The following PRMT3 variants were observed in gnomAD, a reference collection of about 807,000 sequenced individuals.
The protein encoded by PRMT3 is protein arginine methyltransferase 3, also known as protein arginine N-methyltransferase 3.
Under a neutral mutation model 71.9 loss-of-function variants are expected in PRMT3, and 62 were observed. The ratio of observed to expected loss-of-function variants is 0.86; its 90% CI spans 0.70 to 1.07. The LOEUF (loss-of-function observed/expected upper bound fraction) is 1.07, where lower values mean the gene tolerates loss of function less well. PRMT3 is among the 50% of genes least tolerant of loss of function. The pLI is 0.00. For missense variants in PRMT3, 663 were observed against 643.0 expected, an observed-to-expected ratio of 1.03 and a Z score of -0.34; for synonymous variants, 213 against 220.4, an observed-to-expected ratio of 0.97 and a Z score of 0.30.
chr11:20,463,506 G>T (rs1335259288), intron 12 of PRMT3, among the ~76,000 whole-genome samples: 2 of 151,894 alleles, frequency 1.3e-5, no homozygotes, highest in Non-Finnish European at 2.9e-5. Flanking sequence ...TGCAAAAACT[G>T]CCATGAATAA....
intron 10 of PRMT3, among the ~76,000 whole-genome samples, chr11:20,435,075 T>C (rs1849732859): frequency 6.6e-6 from 1 of 152,214 alleles, no homozygotes; most frequent in South Asian, 2.1e-4. Flanking sequence ...GTTTTTGCTT[T>C]TGTTGTTTGT....
chr11:20,404,041 T>C (rs1849008046), intron 8 of PRMT3, among the ~76,000 whole-genome samples: 1 of 152,192 alleles, frequency 6.6e-6, no homozygotes, highest in Middle Eastern at 3.4e-3. Flanking sequence ...TATGGTGCTC[T>C]GATCTTTTTG....
chr11:20,460,939 GTC>G (rs1850369382), intron 11 of PRMT3, among the ~76,000 whole-genome samples: 1 of 152,034 alleles, frequency 6.6e-6, no homozygotes, highest in Admixed American at 6.6e-5. Flanking sequence ...CTCTTAATTT[GTC>G]TCTGTTTTCA....
intron 9 of PRMT3, among the ~76,000 whole-genome samples, chr11:20,424,066 C>T (rs888698314): frequency 1.3e-5 from 2 of 151,208 alleles, no homozygotes; most frequent in Admixed American, 1.3e-4. Flanking sequence ...CGCCTGTAGT[C>T]CCAGCTACTC....
chr11:20,497,505 A>C (rs1174589579), intron 15 of PRMT3, among the ~76,000 whole-genome samples: 1 of 40,550 alleles, frequency 2.5e-5, no homozygotes, highest in Admixed American at 1.6e-4. Flanking sequence ...GTATAAAGAA[A>C]GGATCATGTA....
At chr11:20,482,491 A>G (rs538172385) in intron 13 of PRMT3, among the ~76,000 whole-genome samples, 1 of 152,230 alleles carries the variant, frequency 6.6e-6, no homozygotes, top group Admixed American at 6.5e-5. Flanking sequence ...GTATTTATCA[A>G]ATAATCAATA....
At chr11:20,417,054 C>T (rs1223135067) in intron 9 of PRMT3, among the ~76,000 whole-genome samples, 5 of 152,136 alleles carry the variant, frequency 3.3e-5, no homozygotes, top group East Asian at 1.9e-4. Context: ...CAATGGTTTG[C>T]GTTGTGAAGA....
At chr11:20,473,527 T>C (rs937708575) in intron 13 of PRMT3, among the ~76,000 whole-genome samples, 1 of 152,192 alleles carries the variant, frequency 6.6e-6, no homozygotes, top group Non-Finnish European at 1.5e-5. Flanking sequence ...AATTTCCATG[T>C]AGTTGTGTGG....
At chr11:20,398,810 G>T (rs1193676834) in intron 7 of PRMT3, among the ~76,000 whole-genome samples, 1 of 152,176 alleles carries the variant, frequency 6.6e-6, no homozygotes, top group African/African-American at 2.4e-5. Context: ...GCCTAGGTGT[G>T]TAGTAGGCTA....
chr11:20,457,032 G>A (rs904620059), intron 11 of PRMT3, among the ~76,000 whole-genome samples: 10 of 151,968 alleles, frequency 6.6e-5, no homozygotes, highest in African/African-American at 1.9e-4. Flanking sequence ...CTGCCACCAC[G>A]TCCAGCTAAT....
intron 10 of PRMT3, among the ~76,000 whole-genome samples, chr11:20,434,201 T>C (rs1306353543): frequency 1.3e-5 from 2 of 152,198 alleles, no homozygotes; most frequent in African/African-American, 2.4e-5. Flanking sequence ...CTTCATGTCC[T>C]TTGCCCACCT....
intron 11 of PRMT3, among the ~76,000 whole-genome samples, chr11:20,456,725 TA>T (rs575133730): frequency 5.5e-4 from 84 of 151,956 alleles, no homozygotes; most frequent in Non-Finnish European, 9.1e-4. Context: ...ATTTCTGCTT[TA>T]AAAAAAAGAC....
chr11:20,482,027 G>C (rs1445184938), intron 13 of PRMT3, among the ~76,000 whole-genome samples: 1 of 152,040 alleles, frequency 6.6e-6, no homozygotes, highest in African/African-American at 2.4e-5. Context: ...GGAATCGCCT[G>C]TAATACTGAA....
chr11:20,440,489 CAAAAAAA>C (rs55801324), intron 10 of PRMT3, among the ~76,000 whole-genome samples: 1,206 of 115,932 alleles, frequency 0.01, 13 homozygotes, highest in African/African-American at 0.033. Flanking sequence ...ACTAAAAATA[CAAAAAAA>C]AAAAAAAAAA....
rs1468255588 is a variant in PRMT3 at position 20,440,689 on chromosome 11, ATAT to A, written c.994-11438_994-11436del. ...TATTCTACTATATATTAAAATAGTA[ATAT>A]TAATTTTTCTTGAATTTTACAAAGA... On this transcript the variant is annotated intron_variant, in intron 10 of 15. Coordinates refer to ENST00000331079, the MANE Select transcript of PRMT3 (RefSeq NM_005788.4). Among the ~76,000 whole-genome samples, 12 of 152,176 alleles carry A rather than the reference ATAT, an allele frequency of 7.9e-5. No homozygotes were observed. The East Asian group carries it at 2.3e-3, about 29-fold the overall frequency.
At chr11:20,431,431 A>T (rs888088115) in intron 10 of PRMT3, among the ~76,000 whole-genome samples, 2 of 152,144 alleles carry the variant, frequency 1.3e-5, no homozygotes, top group African/African-American at 4.8e-5. Flanking sequence ...TCTGGCACAT[A>T]AGATCTCAAT....
At chr11:20,498,450 C>T (rs1257847828) in intron 15 of PRMT3, among the ~76,000 whole-genome samples, 3 of 152,050 alleles carry the variant, frequency 2.0e-5, no homozygotes, top group Non-Finnish European at 4.4e-5. Flanking sequence ...AAAAACTGGC[C>T]GGGCGTGATT....
chr11:20,422,406 T>G (rs1849447572), intron 9 of PRMT3, among the ~76,000 whole-genome samples: 1 of 152,222 alleles, frequency 6.6e-6, no homozygotes, highest in Non-Finnish European at 1.5e-5. Context: ...TGTTGAATAC[T>G]TCATTTTTCC....
In PRMT3 at chr11:20,424,183, C is replaced by CA. The variant is rs59351768; in HGVS notation, c.894-2565dup. Among the ~76,000 whole-genome samples the CA allele has an allele frequency of 6.0e-4, 66 of 110,890 alleles. 1 individual carries two copies. The East Asian group carries it at 6.7e-3, about 11-fold the overall frequency. 72.7% of individuals were successfully genotyped at this position (110,890 alleles called of 152,430 possible). ...TGGGCAACAAAGCAAGACGCCATCT[C>CA]AAAAAAAAAAAAAAAAAATTGATAT... On this transcript the variant is annotated intron_variant, in intron 9 of 15. Transcript: ENST00000331079.
Sources: gnomAD v4.1 joint callset for allele counts (sites outside exome capture counted in the v4.1 genomes callset) on GRCh38, gnomAD v4.1.1 for gene constraint, MANE v1.5 for transcripts, NCBI Gene and HGNC (gene_info 2026-07-23, HGNC 2026-07-21) for gene names.